FMNL3: variants seen among roughly 807,000 people sequenced by gnomAD.
FMNL3 encodes the protein formin like 3.
Under a neutral mutation model 119.6 loss-of-function variants are expected in FMNL3, and 57 were observed. The ratio of observed to expected loss-of-function variants is 0.48; its 90% confidence interval spans 0.39 to 0.59. The LOEUF (loss-of-function observed/expected upper bound fraction) is 0.59, where lower values mean the gene tolerates loss of function less well. FMNL3 is among the 20% of genes least tolerant of loss of function. The pLI, the probability that FMNL3 is intolerant of heterozygous loss-of-function variation, is 0.00. For missense variants in FMNL3, 1,053 were observed against 1,323.5 expected, an observed-to-expected ratio of 0.80 and a Z score of 3.17; for synonymous variants, 491 against 507.3, an observed-to-expected ratio of 0.97 and a Z score of 0.43.
chr12:49,665,589 A>G (rs1943867702), intron 4 of FMNL3, among the ~76,000 whole-genome samples: 1 of 152,166 alleles, frequency 6.6e-6, no homozygotes, highest in African/African-American at 2.4e-5. Context: ...CAGGCAGAGG[A>G]CCCCAGGAGA....
In FMNL3 at chr12:49,643,793, G is replaced by C; in HGVS notation, c.*2022C>G. 2.5e-6 allele frequency: 4 copies of C among 1,613,664 alleles called. No individual in the cohort carries two copies. Among genetic ancestry groups the C allele is most frequent in the Non-Finnish European group, 2.5e-6 (3 of 1,179,874 alleles). The stretch of plus-strand genomic sequence containing the variant: ...TCTACCTAAGCCCCTGCTATTTTGT[G>C]AGTTCTGTTCTACCTGCCTCCCAGG... On this transcript the variant is annotated 3_prime_UTR_variant, in exon 26 of 26. Transcript: ENST00000335154.
chr12:49,681,918 T>C (rs1287169016), intron 1 of FMNL3, among the ~76,000 whole-genome samples: 1 of 152,070 alleles, frequency 6.6e-6, no homozygotes, highest in Non-Finnish European at 1.5e-5. Flanking sequence ...ATGGATAATA[T>C]CTGCCTCTTA....
Position 49,658,537 on chromosome 12 carries a change from G to A in FMNL3, c.510C>T (p.Ser170=), listed in dbSNP as rs1943642674. ...GDDGAFDKLR[S]WSRSIEDLQP... The stretch of plus-strand genomic sequence containing the variant: ...GCAGGTCCTCGATTGACCTGCTCCA[G>A]GACCGGAGTTTGTCAAATGCACCAT... Residue 170 remains serine (S), a synonymous_variant, in exon 6 of 26, where the codon TCC becomes TCT. Transcript: ENST00000335154. 2 of 1,613,428 alleles carry A rather than the reference G, an allele frequency of 1.2e-6. No individual in the cohort carries two copies. Among genetic ancestry groups the A allele is most frequent in the African/African-American group, 2.7e-5 (2 of 74,896 alleles).
chr12:49,703,459 G>A (rs1027188705), intron 1 of FMNL3, among the ~76,000 whole-genome samples: 4 of 152,094 alleles, frequency 2.6e-5, no homozygotes, highest in Non-Finnish European at 5.9e-5. Context: ...TCAGATAGGG[G>A]GTAAGGAAGG....
chr12:49,679,327 T>C (rs115904193), intron 1 of FMNL3, among the ~76,000 whole-genome samples: 2,219 of 152,192 alleles, frequency 0.015, 52 homozygotes, highest in African/African-American at 0.05. Context: ...TGAATCGTAT[T>C]AGCCCTTCTT....
At chr12:49,656,991 G>A in intron 7 of FMNL3, 91 bp downstream of exon 7, 1 of 1,541,584 alleles carries the variant, frequency 6.5e-7, no homozygotes, top group Non-Finnish European at 9.0e-7. Flanking sequence ...CAGCAAACCT[G>A]TCTTTTATAA....
Position 49,648,442 on chromosome 12 carries a change from C to T in FMNL3, c.2516-89G>A, listed in dbSNP as rs1943283686. 6 of 1,407,580 alleles carry T rather than the reference C, an allele frequency of 4.3e-6. No homozygotes were observed. The East Asian group carries it at 1.5e-4, about 35-fold the overall frequency. 87.2% of individuals were successfully genotyped at this position (1,407,580 alleles called of 1,614,324 possible). A position where few individuals can be genotyped will look rare whatever the true frequency, so the allele number is the denominator to read the frequency against. ...GCTATATCAAACTCTGGCCCTCCCC[C>T]TCAGCATGGGCTCACTCAGGTTCAC... On this transcript the variant is annotated intron_variant, in intron 21 of 25. Transcript: ENST00000335154.
In FMNL3 at chr12:49,648,282, T is replaced by C; in HGVS notation, c.2587A>G (p.Ser863Gly). ...CGGAGGACGCTGTTGTCATGGATGC[T>C]GCACTCACGCCGAATCAGCTCCATG... is the stretch of plus-strand genomic sequence containing the variant. ...RGMELIRREC[S>G]IHDNSVLRNF... is the part of the protein sequence containing the mutation. The change falls in exon 22 of 26, where the codon AGC becomes GGC. Residue 863 changes from serine to glycine, a missense_variant. Around this residue, in one of 4 missense-constraint regions of FMNL3, gnomAD observed 324 missense variants for 380.9 expected, o/e 0.85. Coordinates refer to ENST00000335154, the MANE Select transcript of FMNL3 (RefSeq NM_175736.5). 2 of 1,613,972 alleles carry C rather than the reference T, an allele frequency of 1.2e-6. No individual in the cohort carries two copies. The highest frequency in any genetic ancestry group is 1.7e-6 in the Non-Finnish European group (2 of 1,179,966).
rs1271992158 is a variant in FMNL3, at chr12:49,641,599, C to T, written c.*4216G>A. On this transcript the variant is annotated 3_prime_UTR_variant, in exon 26 of 26. Coordinates refer to ENST00000335154, the MANE Select transcript of FMNL3 (RefSeq NM_175736.5). ...AAGCACTGCTGAGCAGCAGGAGGGC[C>T]CAGCTGGGGCCAGAGCTTTAAGCCA... 1 of 350,194 alleles carries T rather than the reference C, an allele frequency of 2.9e-6. No homozygotes were observed. Among genetic ancestry groups the T allele is most frequent in the Non-Finnish European group, 5.3e-6 (1 of 189,872 alleles). 21.7% of individuals were successfully genotyped at this position (350,194 alleles called of 1,614,324 possible).
intron 1 of FMNL3, among the ~76,000 whole-genome samples, chr12:49,673,062 T>C (rs1247119971): frequency 1.3e-5 from 2 of 152,200 alleles, no homozygotes; most frequent in African/African-American, 4.8e-5. Context: ...GTTTTATTAA[T>C]GTTTTCCCTC....
Position 49,648,324 on chromosome 12 carries a change from T to G in FMNL3, c.2545A>C (p.Lys849Gln), listed in dbSNP as rs559232681. 4.3e-5 allele frequency: 69 copies of G among 1,613,202 alleles called. 2 individuals carry two copies. The highest frequency in any genetic ancestry group is 3.7e-4 in the South Asian group (34 of 90,976). ...AGCTCCATGCCCCGGCCCAGCTCCT[T>G]CACGTCCAGCAGCACGTTCTCCAGG... ...VSLENVLLDV[K>Q]ELGRGMELIR... Residue 849 changes from lysine (K) to glutamine (Q), a missense_variant, in exon 22 of 26, where the codon AAG (lysine) becomes CAG (glutamine). By Grantham distance (53) the Lys-to-Gln change is moderately conservative. Transcript: ENST00000335154.
chr12:49,678,182 G>A (rs945313385), intron 1 of FMNL3, among the ~76,000 whole-genome samples: 4 of 145,692 alleles, frequency 2.7e-5, no homozygotes, highest in Admixed American at 6.9e-5. Flanking sequence ...TTTTTGAGAC[G>A]GAGTCTCACT....
chr12:49,691,168 T>C (rs1944590267), intron 1 of FMNL3, among the ~76,000 whole-genome samples: 1 of 152,270 alleles, frequency 6.6e-6, no homozygotes, highest in African/African-American at 2.4e-5. Context: ...TTTCCTCTTC[T>C]ATAAAATGGA....
intron 1 of FMNL3, among the ~76,000 whole-genome samples, chr12:49,696,746 G>A (rs1944761639): frequency 6.6e-6 from 1 of 152,168 alleles, no homozygotes; most frequent in African/African-American, 2.4e-5. Context: ...AACTGTCCAG[G>A]GGCCTGAATA....
At position 49,677,639 on chromosome 12, in the gene FMNL3, C is replaced by G. The variant is rs186403083; in HGVS notation, c.127-9085G>C. 4.6e-5 allele frequency among the ~76,000 whole-genome samples: 7 copies of G among 152,258 alleles called. No individual in the cohort carries two copies. In the East Asian group the frequency reaches 1.3e-3, roughly 29 times the overall value. On this transcript the variant is annotated intron_variant, in intron 1 of 25. Coordinates refer to ENST00000335154, the MANE Select transcript of FMNL3 (RefSeq NM_175736.5). ...CTGGGAAACAACTCTATGTCAAGCA[C>G]AAGCTAGAATTTGGCGATATCAAAA...
At position 49,641,577 on chromosome 12, in the gene FMNL3, C is replaced by T. The variant is rs1029493008; in HGVS notation, c.*4238G>A. ...AATGTTGATTGAGAATGCATGGAAG[C>T]ACTGCTGAGCAGCAGGAGGGCCCAG... is the stretch of plus-strand genomic sequence containing the variant. On this transcript the variant is annotated 3_prime_UTR_variant, in exon 26 of 26. Transcript: ENST00000335154. The T allele has an allele frequency of 1.6e-5, 5 of 315,226 alleles. No individual in the cohort carries two copies. Among genetic ancestry groups the T allele is most frequent in the Admixed American group, 1.4e-4 (3 of 21,836 alleles). 19.5% of individuals were successfully genotyped at this position (315,226 alleles called of 1,614,324 possible). A position where few individuals can be genotyped will look rare whatever the true frequency, so the allele number is the denominator to read the frequency against.
chr12:49,652,029 G>C lies in FMNL3; in HGVS notation c.1507C>G (p.Leu503Val). The C allele has an allele frequency of 6.2e-7, 1 of 1,609,124 alleles. No individual in the cohort carries two copies. Reference sequence around the variant, plus strand: ...GGTGGGGCTGGAGCCAGAAGGTCCAGGTCGGAGGGTGGCATGCCCTCACTC... The same window carrying C: ...GGTGGGGCTGGAGCCAGAAGGTCCACGTCGGAGGGTGGCATGCCCTCACTC... ...ELSEGMPPSDLDLLAPAPPPE... is the reference protein window; with the variant it reads ...ELSEGMPPSDVDLLAPAPPPE... Residue 503 changes from leucine (L) to valine (V), a missense_variant, in exon 14 of 26, where the codon CTG (leucine) becomes GTG (valine). By Grantham distance (32) the Leu-to-Val change is conservative (BLOSUM62 1). Around this residue, in one of 4 missense-constraint regions of FMNL3, gnomAD observed 445 missense variants for 628.4 expected, o/e 0.71. Coordinates refer to ENST00000335154, the MANE Select transcript of FMNL3 (RefSeq NM_175736.5).
chr12:49,672,480 G>T (rs747350442), intron 1 of FMNL3, among the ~76,000 whole-genome samples: 2 of 152,358 alleles, frequency 1.3e-5, no homozygotes, highest in East Asian at 3.9e-4. Context: ...GGAAGAAGCC[G>T]AAAGGCATGG....
chr12:49,642,531 C>A lies in FMNL3; in HGVS notation c.*3284G>T. On this transcript the variant is annotated 3_prime_UTR_variant, in exon 26 of 26. Transcript: ENST00000335154. This position sits in a 1 kb window ranked among gnomAD's most constrained non-coding sequence, Gnocchi z 5.8. ...CCCTGTGCTCATGGCGGTGTCCAGG[C>A]CAGGCTGAGTGGGGCCTAGTCTGAT... 6.2e-7 allele frequency: 1 copy of A among 1,604,168 alleles called. No homozygotes were observed. Among genetic ancestry groups the A allele is most frequent in the African/African-American group, 1.3e-5 (1 of 74,844 alleles).
Sources: allele counts gnomAD v4.1 joint callset (sites outside exome capture counted in the v4.1 genomes callset), GRCh38; gene constraint gnomAD v4.1.1; regional missense constraint gnomAD v4.1.1; non-coding constraint Gnocchi (gnomAD v3.1); transcripts MANE v1.5; gene names NCBI Gene and HGNC (gene_info 2026-07-23, HGNC 2026-07-21).